The following ATP11C variants were observed in gnomAD, a reference collection of about 807,000 sequenced individuals.
ATP11C encodes the protein phospholipid-transporting ATPase IG.
ATP11C carries 36 observed loss-of-function variants against 97.4 expected under a neutral mutation model. The observed-to-expected ratio is 0.37, with a 90% CI of 0.28 to 0.49. The LOEUF (loss-of-function observed/expected upper bound fraction) is 0.49. Among genes scored for constraint, ATP11C ranks in the 20% least tolerant of loss-of-function variants. The pLI is 0.98. For synonymous variants in ATP11C, 275 were observed against 290.9 expected (o/e 0.95, Z 0.56); for missense variants, 730 against 824.6 (o/e 0.89, Z 1.40).
intron 1 of ATP11C, among the ~76,000 whole-genome samples, chrX:139,909,120 G>GT (rs763644241): frequency 7.1e-4 from 79 of 110,751 alleles, no homozygotes; most frequent in East Asian, 2.8e-4. Context: ...TGCTTTTGGG[G>GT]TTTTTTTTAT....
chrX:139,923,744 G>A (rs1207011696), intron 1 of ATP11C, among the ~76,000 whole-genome samples: 1 of 111,360 alleles, frequency 9.0e-6, no homozygotes, highest in Non-Finnish European at 1.9e-5. Flanking sequence ...ACTCCCTGTC[G>A]ATATGTGGGA....
intron 1 of ATP11C, among the ~76,000 whole-genome samples, chrX:139,896,551 AC>A (rs2084808994): frequency 1.2e-4 from 3 of 25,099 alleles, no homozygotes; most frequent in African/African-American, 7.1e-4. Flanking sequence ...TTTTATACAC[AC>A]ACACACACAC....
At chrX:139,758,978 A>G (rs1257091566) in intron 22 of ATP11C, among the ~76,000 whole-genome samples, 1 of 112,596 alleles carries the variant, frequency 8.9e-6, no homozygotes, top group Non-Finnish European at 1.9e-5. Context: ...TGAGCTCAAC[A>G]GGTTTTGAAT....
Position 139,728,982 on chromosome X carries a change from C to G in ATP11C, c.*4-20G>C, listed in dbSNP as rs762054919. On this transcript the variant is annotated intron_variant, in intron 29 of 29. Transcript: ENST00000682941. Reference sequence around the variant, plus strand: ...CGGATTCTGAAAAATGTAAAATATACAGATTTAAAAGGCTTATTTTAATAA... The same window carrying G: ...CGGATTCTGAAAAATGTAAAATATAGAGATTTAAAAGGCTTATTTTAATAA... 24 of 1,126,524 alleles carry G rather than the reference C, an allele frequency of 2.1e-5. No homozygotes were observed. The highest frequency in any genetic ancestry group is 2.5e-5 in the Non-Finnish European group (21 of 824,921). 92.8% of individuals were successfully genotyped at this position (1,126,524 alleles called of 1,213,427 possible). A position where few individuals can be genotyped will look rare whatever the true frequency, so the allele number is the denominator to read the frequency against.
At chrX:139,801,791 G>A (rs1284208741) in intron 7 of ATP11C, among the ~76,000 whole-genome samples, 1 of 111,780 alleles carries the variant, frequency 8.9e-6, no homozygotes, top group African/African-American at 3.2e-5. Context: ...GGACAAGAAA[G>A]AGCCTATTTG....
chrX:139,868,756 C>T (rs934594641), intron 1 of ATP11C, among the ~76,000 whole-genome samples: 1 of 108,975 alleles, frequency 9.2e-6, no homozygotes, highest in Non-Finnish European at 1.9e-5. Context: ...AAAAGAAATT[C>T]TTACAACATA....
At chrX:139,901,830 A>G (rs1220766093) in intron 1 of ATP11C, among the ~76,000 whole-genome samples, 1 of 111,423 alleles carries the variant, frequency 9.0e-6, no homozygotes, top group African/African-American at 3.3e-5. Context: ...GGGAGATAAA[A>G]GCATGAAGGG....
Position 139,788,067 on chromosome X carries a change from T to C in ATP11C, c.1520+125A>G, listed in dbSNP as rs1184619346. 1.7e-4 allele frequency: 110 copies of C among 635,476 alleles called. No individual in the cohort carries two copies. In the East Asian group the frequency reaches 4.0e-3, roughly 23 times the overall value. The allele number at this position is 635,476 out of a possible 1,213,427, so 52.4% of individuals were successfully genotyped here. A position where few individuals can be genotyped will look rare whatever the true frequency, so the allele number is the denominator to read the frequency against. On this transcript the variant is annotated intron_variant, in intron 14 of 29. Transcript: ENST00000682941. ...CACAAATTTTTGGCTAAAGCAGTTG[T>C]GTTTTTTATTAAATAATAGGAGATG... is the stretch of plus-strand genomic sequence containing the variant.
intron 1 of ATP11C, among the ~76,000 whole-genome samples, chrX:139,842,396 C>G (rs754918712): frequency 1.8e-5 from 2 of 112,362 alleles, no homozygotes; most frequent in Non-Finnish European, 3.8e-5. Context: ...ACTCTTTCAC[C>G]TTTTGCCATT....
chrX:139,895,373 C>T (rs184566527), intron 1 of ATP11C, among the ~76,000 whole-genome samples: 22 of 111,284 alleles, frequency 2.0e-4, no homozygotes, highest in Middle Eastern at 4.7e-3. Flanking sequence ...TGGGTTCAAG[C>T]GATTCTCCTG....
rs1034791861 is a variant in ATP11C, at chrX:139,932,081, G to C, written c.-39C>G. On this transcript the variant is annotated 5_prime_UTR_variant, in exon 1 of 30. Coordinates refer to ENST00000682941, the MANE Select transcript of ATP11C (RefSeq NM_001353812.2). ...GCCGGGCGCTGAGCTGGGCTCTACC[G>C]GGCTGTCTGGGAAGGCGCCGTCCAC... The C allele has an allele frequency of 9.7e-6, 11 of 1,131,654 alleles. No homozygotes were observed. The highest frequency in any genetic ancestry group is 1.3e-5 in the Non-Finnish European group (11 of 852,373). 93.3% of individuals were successfully genotyped at this position (1,131,654 alleles called of 1,213,427 possible).
Position 139,797,302 on chromosome X carries a change from T to C in ATP11C, c.882A>G (p.Val294=), listed in dbSNP as rs1306656196. The C allele has an allele frequency of 3.4e-6, 4 of 1,174,551 alleles. No individual in the cohort carries two copies. The highest frequency in any genetic ancestry group is 3.8e-5 in the South Asian group (2 of 53,026). ...CTTTGGTCAGTAAGATAAATAAATATACAATCAGGAAAGCATTAATAGATC... is the reference window on the plus strand; with the variant it reads ...CTTTGGTCAGTAAGATAAATAAATACACAATCAGGAAAGCATTAATAGATC... The part of the protein sequence containing the change: ...VEKSINAFLI[V]YLFILLTKAA... The change falls in exon 11 of 30, where the codon GTA becomes GTG. Residue 294 remains valine, a synonymous_variant. Coordinates refer to ENST00000682941, the MANE Select transcript of ATP11C (RefSeq NM_001353812.2).
chrX:139,773,395 G>A (rs190497621), intron 19 of ATP11C, among the ~76,000 whole-genome samples: 1 of 111,292 alleles, frequency 9.0e-6, no homozygotes, highest in Non-Finnish European at 1.9e-5. Flanking sequence ...AGAGACAGCA[G>A]AGGGCGGCCA....
chrX:139,890,196 T>TA (rs2084706130), intron 1 of ATP11C, among the ~76,000 whole-genome samples: 1 of 110,982 alleles, frequency 9.0e-6, no homozygotes, highest in Admixed American at 9.6e-5. Flanking sequence ...CAGTAGTGGA[T>TA]AAGCCAGTGT....
chrX:139,753,331 C>T, intron 23 of ATP11C, among the ~76,000 whole-genome samples: 1 of 111,798 alleles, frequency 8.9e-6, no homozygotes, highest in Middle Eastern at 4.6e-3. Context: ...CAAAACCATA[C>T]AACAACATGG....
chrX:139,841,327 T>G (rs1802565901), intron 1 of ATP11C, among the ~76,000 whole-genome samples: 1 of 112,229 alleles, frequency 8.9e-6, no homozygotes, highest in Non-Finnish European at 1.9e-5. Flanking sequence ...CAACAAGACT[T>G]GTTTCAGTAG....
intron 24 of ATP11C, among the ~76,000 whole-genome samples, chrX:139,748,660 C>G (rs184022252): frequency 9.0e-6 from 1 of 111,363 alleles, no homozygotes; most frequent in Non-Finnish European, 1.9e-5. Flanking sequence ...TGATTCTCCT[C>G]TACATCTAAT....
At chrX:139,756,326 CAG>C (rs1441448460) in intron 23 of ATP11C, among the ~76,000 whole-genome samples, 1 of 111,908 alleles carries the variant, frequency 8.9e-6, no homozygotes, top group Non-Finnish European at 1.9e-5. Flanking sequence ...AAAAAAGTAA[CAG>C]ATGCTGGCAA....
chrX:139,812,928 G>A (rs1811802208), intron 5 of ATP11C, among the ~76,000 whole-genome samples: 2 of 111,771 alleles, frequency 1.8e-5, no homozygotes, highest in African/African-American at 6.5e-5. Context: ...TGACCAGGAT[G>A]TAAAGAATAG....
Sources: gnomAD v4.1 joint callset for allele counts (sites outside exome capture counted in the v4.1 genomes callset) on GRCh38, gnomAD v4.1.1 for gene constraint, MANE v1.5 for transcripts, NCBI Gene and HGNC (gene_info 2026-07-23, HGNC 2026-07-21) for gene names.